Variants in MGAT3 observed in about 807,000 individuals in gnomAD.
MGAT3 encodes the protein beta-1,4-mannosyl-glycoprotein 4-beta-N-acetylglucosaminyltransferase, also known as GlcNAc-T III.
A neutral mutation model predicts 29.8 loss-of-function variants in MGAT3; 9 were observed. The ratio of observed to expected loss-of-function variants is 0.30; its 90% CI spans 0.18 to 0.53. The LOEUF (loss-of-function observed/expected upper bound fraction) is 0.53. Ranked by LOEUF, MGAT3 falls within the 20% of genes least tolerant of loss-of-function variation. The pLI, the probability that MGAT3 is intolerant of heterozygous loss-of-function variation, is 0.96. For synonymous variants in MGAT3, 397 were observed against 348.9 expected, an observed-to-expected ratio of 1.14 and a Z score of -1.54; for missense variants, 557 against 769.5, an observed-to-expected ratio of 0.72 and a Z score of 3.27.
At chr22:39,486,109 G>T in intron 1 of MGAT3, 1 of 404,390 alleles carries the variant, frequency 2.5e-6, no homozygotes, top group Admixed American at 3.3e-5. Flanking sequence ...ATCAAGAATA[G>T]AAAAATTGCA....
chr22:39,489,046 GACCAGGAGT>G lies in MGAT3; in HGVS notation c.*98_*106del. 1 of 751,070 alleles carries G rather than the reference GACCAGGAGT, an allele frequency of 1.3e-6. No homozygotes were observed. The highest frequency in any genetic ancestry group is 2.0e-6 in the Non-Finnish European group (1 of 506,560). 46.5% of individuals were successfully genotyped at this position (751,070 alleles called of 1,614,324 possible). A position where few individuals can be genotyped will look rare whatever the true frequency, so the allele number is the denominator to read the frequency against. On this transcript the variant is annotated 3_prime_UTR_variant, in exon 2 of 2. Transcript: ENST00000341184. ...CTGCCGGCTCCTTGGTTCTTGAGGG[GACCAGGAGT>G]GGGTGGGGAGTGGGGGTGGGGGTAG...
intron 1 of MGAT3, among the ~76,000 whole-genome samples, chr22:39,478,297 C>T (rs1449410765): frequency 6.6e-6 from 1 of 152,224 alleles, no homozygotes; most frequent in Non-Finnish European, 1.5e-5. Context: ...CAAAATGCCC[C>T]TCATGGACAT....
Position 39,488,326 on chromosome 22 carries a change from G to A in MGAT3, c.979G>A (p.Val327Ile). Reference sequence around the variant, plus strand: ...GGACGAGATCCCGGCCCGTGACGGCGTCCTTTTCCTCAAGCTCTACGATGG... The same window carrying A: ...GGACGAGATCCCGGCCCGTGACGGCATCCTTTTCCTCAAGCTCTACGATGG... ...DADEIPARDGVLFLKLYDGWT... is the reference protein window; with the variant it reads ...DADEIPARDGILFLKLYDGWT... Residue 327 changes from valine to isoleucine, a missense_variant, in exon 2 of 2, where the codon GTC becomes ATC. By Grantham distance (29) the Val-to-Ile change is conservative. Transcript: ENST00000341184. 2 of 1,612,182 alleles carry A rather than the reference G, an allele frequency of 1.2e-6. No individual in the cohort carries two copies. The highest frequency in any genetic ancestry group is 1.7e-6 in the Non-Finnish European group (2 of 1,180,004).
intron 1 of MGAT3, among the ~76,000 whole-genome samples, chr22:39,462,628 A>G (rs982081321): frequency 6.6e-6 from 1 of 152,186 alleles, no homozygotes; most frequent in Non-Finnish European, 1.5e-5. Flanking sequence ...GGAGCTGCCC[A>G]TGGGCTGGAA....
intron 1 of MGAT3, among the ~76,000 whole-genome samples, chr22:39,481,833 G>A (rs180684866): frequency 6.6e-6 from 1 of 152,306 alleles, no homozygotes; most frequent in Non-Finnish European, 1.5e-5. Context: ...TTATACAAGG[G>A]TACCTGCTTC....
chr22:39,471,075 A>G (rs902138456), intron 1 of MGAT3, among the ~76,000 whole-genome samples: 5 of 151,976 alleles, frequency 3.3e-5, no homozygotes, highest in African/African-American at 1.2e-4. Context: ...TTATCTGACG[A>G]TGGCCACCCC....
Position 39,487,785 on chromosome 22 carries a change from G to A in MGAT3, c.438G>A (p.Arg146=). The change falls in exon 2 of 2, where the codon CGG becomes CGA. Residue 146 remains arginine, a synonymous_variant. Coordinates refer to ENST00000341184, the MANE Select transcript of MGAT3 (RefSeq NM_002409.5). The surrounding 1 kb of genome is among the most constrained non-coding windows in gnomAD (Gnocchi z 5.7). ...KPEGANGSSA[R]RPPRYLLSAR... is the part of the protein sequence containing the mutation. ...AGGGGGCCAACGGCTCCTCGGCCCG[G>A]CGGCCACCCCGGTACCTCCTGAGCG... is the stretch of plus-strand genomic sequence containing the variant. 1 of 1,492,126 alleles carries A rather than the reference G, an allele frequency of 6.7e-7. No homozygotes were observed. The highest frequency in any genetic ancestry group is 8.9e-7 in the Non-Finnish European group (1 of 1,123,722). The allele number at this position is 1,492,126 out of a possible 1,614,324, so 92.4% of individuals were successfully genotyped here.
chr22:39,486,592 G>T (rs922988741), intron 1 of MGAT3, among the ~76,000 whole-genome samples: 4 of 152,104 alleles, frequency 2.6e-5, no homozygotes, highest in African/African-American at 9.7e-5. Flanking sequence ...CCTCAACCTC[G>T]AGGTCTCAAG....
Position 39,488,921 on chromosome 22 carries a change from G to A in MGAT3, c.1574G>A (p.Arg525Gln), listed in dbSNP as rs376605884. The A allele has an allele frequency of 1.2e-4, 185 of 1,605,296 alleles. 2 individuals carry two copies. In the South Asian group the frequency reaches 1.8e-3, roughly 16 times the overall value. ...HRGPEGRPPA[R>Q]GKLDEAEV The stretch of plus-strand genomic sequence containing the variant: ...GGTCCCGAGGGAAGGCCGCCCGCCC[G>A]GGGCAAACTGGACGAGGCGGAAGTC... Residue 525 changes from arginine (R) to glutamine (Q), a missense_variant, in exon 2 of 2, where the codon CGG becomes CAG. This residue lies in a region of MGAT3 where 102 missense variants were observed against 97.0 expected (regional missense o/e 1.05). Transcript: ENST00000341184.
chr22:39,461,165 T>A (rs902409756), intron 1 of MGAT3, among the ~76,000 whole-genome samples: 1 of 151,746 alleles, frequency 6.6e-6, no homozygotes, highest in Non-Finnish European at 1.5e-5. Context: ...CTAACAAGAG[T>A]GTCATAATGG....
At chr22:39,467,755 G>A (rs1009444527) in intron 1 of MGAT3, among the ~76,000 whole-genome samples, 2 of 147,646 alleles carry the variant, frequency 1.4e-5, no homozygotes, top group East Asian at 3.9e-4. Flanking sequence ...TCTTTCAGAT[G>A]GAGTCTGGAT....
chr22:39,466,834 T>C (rs1217485072), intron 1 of MGAT3, among the ~76,000 whole-genome samples: 2 of 152,238 alleles, frequency 1.3e-5, no homozygotes, highest in Non-Finnish European at 2.9e-5. Flanking sequence ...GGTAGCGTTA[T>C]TTGTCATTGC....
intron 1 of MGAT3, among the ~76,000 whole-genome samples, chr22:39,480,787 C>T (rs1391569899): frequency 6.6e-6 from 1 of 152,226 alleles, no homozygotes; most frequent in Non-Finnish European, 1.5e-5. Context: ...GGCCAGCCTC[C>T]TCCACCCCAG....
Position 39,487,611 on chromosome 22 carries a change from G to T in MGAT3, c.264G>T (p.Lys88Asn). The T allele has an allele frequency of 6.2e-7, 1 of 1,611,668 alleles. No individual in the cohort carries two copies. The highest frequency in any genetic ancestry group is 8.5e-7 in the Non-Finnish European group (1 of 1,179,312). ...SPLLQPLPPS[K>N]AAEELHRVDL... Reference sequence around the variant, plus strand: ...TGCTGCAGCCGCTGCCGCCCAGCAAGGCGGCCGAGGAGCTCCACCGGGTGG... The same window carrying T: ...TGCTGCAGCCGCTGCCGCCCAGCAATGCGGCCGAGGAGCTCCACCGGGTGG... Residue 88 changes from lysine to asparagine, a missense_variant, in exon 2 of 2, where the codon AAG becomes AAT. Lys to Asn is a moderately conservative substitution (Grantham distance 94, BLOSUM62 0). Coordinates refer to ENST00000341184, the MANE Select transcript of MGAT3 (RefSeq NM_002409.5). The surrounding 1 kb of genome is among the most constrained non-coding windows in gnomAD (Gnocchi z 5.7).
chr22:39,479,790 C>T lies in MGAT3; in HGVS notation c.-1-7557C>T, dbSNP rs142769489. 3.3e-3 allele frequency among the ~76,000 whole-genome samples: 497 copies of T among 152,296 alleles called. 4 individuals are homozygous for T. Among genetic ancestry groups the T allele is most frequent in the African/African-American group, 0.011 (466 of 41,554 alleles). On this transcript the variant is annotated intron_variant, in intron 1 of 1. Coordinates refer to ENST00000341184, the MANE Select transcript of MGAT3 (RefSeq NM_002409.5). ...TGGGATTTGAACTGGGGAGTCCGAG[C>T]ACATGGAAGTGATGGTGAGGGCATT...
Position 39,488,364 on chromosome 22 carries a change from C to T in MGAT3, c.1017C>T (p.Pro339=). The T allele has an allele frequency of 6.2e-7, 1 of 1,612,710 alleles. No homozygotes were observed. The highest frequency in any genetic ancestry group is 8.5e-7 in the Non-Finnish European group (1 of 1,180,026). ...AGCTCTACGATGGCTGGACCGAGCC[C>T]TTCGCCTTCCACATGCGCAAGTCGC... ...FLKLYDGWTE[P]FAFHMRKSLY... Residue 339 remains proline, a synonymous_variant, in exon 2 of 2, where the codon CCC becomes CCT. Coordinates refer to ENST00000341184, the MANE Select transcript of MGAT3 (RefSeq NM_002409.5).
Position 39,489,970 on chromosome 22 carries a change from A to G in MGAT3, c.*1021A>G, listed in dbSNP as rs1354425161. The stretch of plus-strand genomic sequence containing the variant: ...GGGCCATGAGGCTGTCTTGGGCCCA[A>G]AAAGGGACAATAAGGCCAGTTGTAT... On this transcript the variant is annotated 3_prime_UTR_variant, in exon 2 of 2. Transcript: ENST00000341184. 3.6e-5 allele frequency: 6 copies of G among 167,416 alleles called. No homozygotes were observed. The highest frequency in any genetic ancestry group is 1.5e-5 in the Non-Finnish European group (1 of 68,248). The allele number at this position is 167,416 out of a possible 1,614,324, so 10.4% of individuals were successfully genotyped here. A position where few individuals can be genotyped will look rare whatever the true frequency, so the allele number is the denominator to read the frequency against.
intron 1 of MGAT3, among the ~76,000 whole-genome samples, chr22:39,470,652 G>T (rs972314845): frequency 1.3e-5 from 2 of 152,160 alleles, no homozygotes; most frequent in African/African-American, 4.8e-5. Flanking sequence ...TCCATCCTGG[G>T]AGCATTTGGG....
intron 1 of MGAT3, among the ~76,000 whole-genome samples, chr22:39,479,385 A>G (rs990519691): frequency 1.3e-5 from 2 of 152,052 alleles, no homozygotes; most frequent in Non-Finnish European, 2.9e-5. Context: ...GGGGCTGGGC[A>G]CAACTTACGG....
Sources: gnomAD v4.1 joint callset for allele counts (sites outside exome capture counted in the v4.1 genomes callset) on GRCh38, gnomAD v4.1.1 for gene constraint, gnomAD v4.1.1 regional missense constraint, Gnocchi (gnomAD v3.1) non-coding constraint, MANE v1.5 for transcripts, NCBI Gene and HGNC (gene_info 2026-07-23, HGNC 2026-07-21) for gene names.